COL18A1: variants seen among roughly 807,000 people sequenced by gnomAD.
The protein encoded by COL18A1 is collagen alpha-1(XVIII) chain.
In COL18A1, 133 loss-of-function variants were observed where a neutral mutation model predicts 168.0. The ratio of observed to expected loss-of-function variants is 0.79; its 90% CI spans 0.69 to 0.91. The LOEUF is 0.91. Ranked by LOEUF, COL18A1 falls within the 40% of genes least tolerant of loss-of-function variation. The pLI is 0.00. For missense variants in COL18A1, 2,126 were observed against 1,925.4 expected (o/e 1.10, Z -1.95); for synonymous variants, 949 against 809.0 (o/e 1.17, Z -2.94).
chr21:45,497,896 T>C, intron 32 of COL18A1: 1 of 616,758 alleles, frequency 1.6e-6, no homozygotes, highest in South Asian at 2.0e-5. Flanking sequence ...CATCACCTCC[T>C]GAGGAGCAGA....
rs575484601 is a variant in COL18A1 at position 45,441,879 on chromosome 21, T to C, written c.107-26363T>C. Among the ~76,000 whole-genome samples the C allele has an allele frequency of 2.6e-3, 393 of 152,176 alleles. 1 individual carries two copies. The highest frequency in any genetic ancestry group is 8.8e-3 in the African/African-American group (367 of 41,520). ...ATAAAGGAGGGACTCCCCATGCCAC[T>C]CCCAAGGCCACGGGAGGCCGCCCTC... is the stretch of plus-strand genomic sequence containing the variant. On this transcript the variant is annotated intron_variant, in intron 2 of 41. Coordinates refer to ENST00000651438, the MANE Select transcript of COL18A1 (RefSeq NM_001379500.1).
At chr21:45,478,207 G>A (rs762879903) in intron 8 of COL18A1, 120 bp from the exon 9 acceptor site, 48 of 1,348,394 alleles carry the variant, frequency 3.6e-5, no homozygotes, top group Middle Eastern at 4.4e-4. Flanking sequence ...CGAGGACATC[G>A]GGGGAAGGCG....
Position 45,443,813 on chromosome 21 carries a change from C to T in COL18A1, c.107-24429C>T, listed in dbSNP as rs2034444958. Among the ~76,000 whole-genome samples, 1 of 152,202 alleles carries T rather than the reference C, an allele frequency of 6.6e-6. No individual in the cohort carries two copies. The highest frequency in any genetic ancestry group is 6.5e-5 in the Admixed American group (1 of 15,288). ...CTGGTGGAGAGGAATAGCTGAGCTG[C>T]AGCACTAAGGAGAGATGCCTGCTGC... is the stretch of plus-strand genomic sequence containing the variant. On this transcript the variant is annotated intron_variant, in intron 2 of 41. Coordinates refer to ENST00000651438, the MANE Select transcript of COL18A1 (RefSeq NM_001379500.1). This position sits in a 1 kb window ranked among gnomAD's most constrained non-coding sequence, Gnocchi z 5.2.
chr21:45,409,702 G>T (rs182483543), intron 2 of COL18A1, among the ~76,000 whole-genome samples: 1 of 152,372 alleles, frequency 6.6e-6, no homozygotes, highest in Admixed American at 6.5e-5. Flanking sequence ...CCTGCTCCAC[G>T]GCCAGTGGCT....
chr21:45,480,416 A>ATC, intron 11 of COL18A1, 51 bp from the exon 12 acceptor site: 1 of 1,612,608 alleles, frequency 6.2e-7, no homozygotes, highest in Non-Finnish European at 8.5e-7. Flanking sequence ...GGAGTAGGCC[A>ATC]GGCGGGGGGC....
chr21:45,496,479 A>G, intron 29 of COL18A1, 21 bp from the exon 30 acceptor site: 1 of 1,154,296 alleles, frequency 8.7e-7, no homozygotes, highest in Non-Finnish European at 1.3e-6. Flanking sequence ...TAAGCCTAAC[A>G]GCTCTCTGCC....
chr21:45,411,773 G>C (rs969434956), intron 2 of COL18A1, among the ~76,000 whole-genome samples: 5 of 134,488 alleles, frequency 3.7e-5, no homozygotes, highest in African/African-American at 1.3e-4. Flanking sequence ...GGGTGGGGGG[G>C]GGGCAGGCTG....
chr21:45,426,094 G>A (rs923755370), intron 2 of COL18A1, among the ~76,000 whole-genome samples: 13 of 151,992 alleles, frequency 8.6e-5, no homozygotes, highest in Non-Finnish European at 1.6e-4. Flanking sequence ...TAGTTTGAGT[G>A]ACTTTCGAGT....
rs931762355 is a variant in COL18A1 at position 45,476,293 on chromosome 21, A to G, written c.799-58A>G. The G allele has an allele frequency of 1.2e-5, 20 of 1,611,272 alleles. No homozygotes were observed. In the Admixed American group the frequency reaches 1.7e-4, roughly 13 times the overall value. ...AGTATTTCATTTCACAAACCAAGCA[A>G]GTCTCCACCGGGCATCTGCCGGCCG... On this transcript the variant is annotated intron_variant, in intron 5 of 41. Coordinates refer to ENST00000651438, the MANE Select transcript of COL18A1 (RefSeq NM_001379500.1).
rs80344556 is a variant in COL18A1 at position 45,511,647 on chromosome 21, G to A, written c.3809+421G>A. On this transcript the variant is annotated intron_variant, in intron 41 of 41. Coordinates refer to ENST00000651438, the MANE Select transcript of COL18A1 (RefSeq NM_001379500.1). Reference sequence around the variant, plus strand: ...TCCAGGGTATCTAGAAGAACGCTTCGTCCCAAATGTCGCTGTGCCCTCCCC... The same window carrying A: ...TCCAGGGTATCTAGAAGAACGCTTCATCCCAAATGTCGCTGTGCCCTCCCC... Among the ~76,000 whole-genome samples, 56 of 152,160 alleles carry A rather than the reference G, an allele frequency of 3.7e-4. No homozygotes were observed. The East Asian group carries it at 7.6e-3, about 21-fold the overall frequency.
rs368233273 is a variant in COL18A1 at position 45,475,504 on chromosome 21, G to C, written c.767G>C (p.Gly256Ala). The C allele has an allele frequency of 3.1e-6, 5 of 1,607,042 alleles. No homozygotes were observed. The highest frequency in any genetic ancestry group is 4.2e-6 in the Non-Finnish European group (5 of 1,178,374). ...TCCGGAGACTCTGGCAGCGGGCTCGGGGACGCCCGGGAGCTTCTCAGGGAG... is the reference window on the plus strand; with the variant it reads ...TCCGGAGACTCTGGCAGCGGGCTCGCGGACGCCCGGGAGCTTCTCAGGGAG... ...GASGDSGSGL[G>A]DARELLREET... is the part of the protein sequence containing the mutation. Residue 256 changes from glycine (G) to alanine (A), a missense_variant, in exon 5 of 42, where the codon GGG becomes GCG. Physicochemically the swap from Gly to Ala is moderately conservative, Grantham distance 60. Coordinates refer to ENST00000651438, the MANE Select transcript of COL18A1 (RefSeq NM_001379500.1).
At chr21:45,506,082 G>T (rs1333061507) in intron 37 of COL18A1, 116 bp downstream of exon 37, 2 of 1,515,250 alleles carry the variant, frequency 1.3e-6, no homozygotes, top group East Asian at 2.3e-5. Context: ...GTGGCAGCCA[G>T]CGCTTCTTAA....
chr21:45,494,520 CCT>C, intron 26 of COL18A1, 23 bp from the exon 27 acceptor site: 1 of 1,613,410 alleles, frequency 6.2e-7, no homozygotes, highest in Non-Finnish European at 8.5e-7. Flanking sequence ...GCCACCTAAC[CCT>C]GTCTTCTTGT....
chr21:45,439,942 G>A (rs1304512078), intron 2 of COL18A1, among the ~76,000 whole-genome samples: 2 of 152,266 alleles, frequency 1.3e-5, no homozygotes, highest in African/African-American at 4.8e-5. Context: ...CTGAGCGAAA[G>A]CAAACTGGGA....
At chr21:45,447,660 C>T (rs1279332395) in intron 2 of COL18A1, among the ~76,000 whole-genome samples, 1 of 152,148 alleles carries the variant, frequency 6.6e-6, no homozygotes, top group African/African-American at 2.4e-5. Flanking sequence ...AATTGAATTT[C>T]AAGGAACCCA....
At chr21:45,451,307 C>T (rs952414047) in intron 2 of COL18A1, among the ~76,000 whole-genome samples, 13 of 152,232 alleles carry the variant, frequency 8.5e-5, no homozygotes, top group Non-Finnish European at 1.5e-5. Context: ...CAAGGTCAAA[C>T]TCCACACGCA....
intron 2 of COL18A1, among the ~76,000 whole-genome samples, chr21:45,444,687 T>C (rs1161960390): frequency 6.6e-6 from 1 of 152,094 alleles, no homozygotes; most frequent in Non-Finnish European, 1.5e-5. Context: ...GAAACACTAC[T>C]CCACGTGTTA....
intron 4 of COL18A1, among the ~76,000 whole-genome samples, chr21:45,474,912 G>A (rs1055632345): frequency 6.6e-6 from 1 of 152,154 alleles, no homozygotes; most frequent in Non-Finnish European, 1.5e-5. Context: ...ACGCCAGATC[G>A]TTCACATGGC....
Position 45,480,835 on chromosome 21 carries a change from C to A in COL18A1, c.1588C>A (p.Pro530Thr). The change falls in exon 13 of 42, where the codon CCC (proline) becomes ACC (threonine). Residue 530 changes from proline (P) to threonine (T), a missense_variant. Coordinates refer to ENST00000651438, the MANE Select transcript of COL18A1 (RefSeq NM_001379500.1). Reference sequence around the variant, plus strand: ...TCCTGGTGTGCCTGGGCGCGAGGGTCCCCCCGGGTTTCCTGGCCTCCCGGT... The same window carrying A: ...TCCTGGTGTGCCTGGGCGCGAGGGTACCCCCGGGTTTCCTGGCCTCCCGGT... ...GLPGVPGREG[P>T]PGFPGLPGPP... 1 of 1,610,662 alleles carries A rather than the reference C, an allele frequency of 6.2e-7. No homozygotes were observed. Among genetic ancestry groups the A allele is most frequent in the Non-Finnish European group, 8.5e-7 (1 of 1,179,304 alleles).
Sources: gnomAD v4.1 joint callset for allele counts (sites outside exome capture counted in the v4.1 genomes callset) on GRCh38, gnomAD v4.1.1 for gene constraint, Gnocchi (gnomAD v3.1) non-coding constraint, MANE v1.5 for transcripts, NCBI Gene and HGNC (gene_info 2026-07-23, HGNC 2026-07-21) for gene names.